CTNNA2: variants seen among roughly 807,000 people sequenced by gnomAD.
CTNNA2 encodes the protein catenin alpha-2.
CTNNA2 carries 42 observed loss-of-function variants against 101.0 expected under a neutral mutation model. The observed-to-expected ratio is 0.42, with a 90% CI of 0.32 to 0.54. The LOEUF (loss-of-function observed/expected upper bound fraction) is 0.54. Among genes scored for constraint, CTNNA2 ranks in the 20% least tolerant of loss-of-function variants. CTNNA2 has a pLI of 0.14. For synonymous variants in CTNNA2, 450 were observed against 456.4 expected (o/e 0.99, Z 0.18); for missense variants, 871 against 1,223.1 (o/e 0.71, Z 4.29).
intron 3 of CTNNA2, among the ~76,000 whole-genome samples, chr2:79,347,782 G>A (rs1309499359): frequency 8.2e-6 from 1 of 121,446 alleles, no homozygotes; most frequent in Non-Finnish European, 1.6e-5. Context: ...ACGTCTCCTA[G>A]CCTTCCTTTT....
intron 7 of CTNNA2, among the ~76,000 whole-genome samples, chr2:80,168,539 C>G (rs959180597): frequency 6.6e-5 from 10 of 152,104 alleles, no homozygotes; most frequent in Non-Finnish European, 1.3e-4. Flanking sequence ...TCCTACTATT[C>G]TCACTCTCAC....
chr2:79,419,939 C>A (rs1470882953), intron 4 of CTNNA2, among the ~76,000 whole-genome samples: 1 of 152,112 alleles, frequency 6.6e-6, no homozygotes, highest in African/African-American at 2.4e-5. Context: ...TCTGGGCTTT[C>A]TTATCTCCAG....
chr2:80,192,835 G>T (rs1281929624), intron 7 of CTNNA2, among the ~76,000 whole-genome samples: 1 of 152,194 alleles, frequency 6.6e-6, no homozygotes, highest in Non-Finnish European at 1.5e-5. Flanking sequence ...ACTTTTCAAA[G>T]AATCCAACTC....
rs565136886 is a variant in CTNNA2 at position 80,332,453 on chromosome 2, G to T, written c.1057-60758G>T. 2.0e-4 allele frequency among the ~76,000 whole-genome samples: 31 copies of T among 152,248 alleles called. No homozygotes were observed. The South Asian group carries it at 6.4e-3, about 32-fold the overall frequency. Reference sequence around the variant, plus strand: ...TGCGGCTGTCCATGATTGTGAAAAGGCAAGTGATAAACAAAAACTGGAGAA... The same window carrying T: ...TGCGGCTGTCCATGATTGTGAAAAGTCAAGTGATAAACAAAAACTGGAGAA... On this transcript the variant is annotated intron_variant, in intron 7 of 18. Transcript: ENST00000402739.
intron 7 of CTNNA2, among the ~76,000 whole-genome samples, chr2:80,105,157 T>C (rs1001273706): frequency 6.6e-6 from 1 of 152,212 alleles, no homozygotes; most frequent in African/African-American, 2.4e-5. Flanking sequence ...TGTGGAATTC[T>C]TTTCAGTAAA....
intron 6 of CTNNA2, among the ~76,000 whole-genome samples, chr2:79,894,474 C>T (rs180877402): frequency 1.4e-3 from 211 of 152,222 alleles, no homozygotes; most frequent in African/African-American, 4.9e-3. Context: ...AAATCGTTTC[C>T]GTAGGTCCCT....
At position 79,666,271 on chromosome 2, in the gene CTNNA2, C is replaced by T. The variant is rs149082693; in HGVS notation, c.102+14613C>T. On this transcript the variant is annotated intron_variant, in intron 2 of 18. Transcript: ENST00000402739. ...AAAATCATTAAACATTATAGAAAAT[C>T]AATGTTTTAATTGTAGAAAATGATT... 3.5e-3 allele frequency among the ~76,000 whole-genome samples: 535 copies of T among 152,112 alleles called. 12 individuals are homozygous for T. In the East Asian group the frequency reaches 0.048, roughly 14 times the overall value.
At position 79,471,230 on chromosome 2, in the gene CTNNA2, G is replaced by A. The variant is rs939341826; in HGVS notation, c.-134-33824G>A. Among the ~76,000 whole-genome samples the A allele has an allele frequency of 7.9e-5, 12 of 152,108 alleles. 1 individual carries two copies. Among genetic ancestry groups the A allele is most frequent in the Admixed American group, 7.9e-4 (12 of 15,266 alleles). ...GGCTGCCATGTGATTATTAGCTGTTGGAATTTGAATTGCTGCCATTATATG... is the reference window on the plus strand; with the variant it reads ...GGCTGCCATGTGATTATTAGCTGTTAGAATTTGAATTGCTGCCATTATATG... On this transcript the variant is annotated intron_variant, in intron 4 of 21. Coordinates refer to the CTNNA2 transcript ENST00000466387.
chr2:80,533,885 A>T (rs1406235613), intron 9 of CTNNA2, among the ~76,000 whole-genome samples: 2 of 152,186 alleles, frequency 1.3e-5, no homozygotes, highest in African/African-American at 4.8e-5. Context: ...AGCCTCTCCT[A>T]TCCTTTTCAC....
rs183821621 is a variant in CTNNA2, at chr2:79,247,238, A to G, written c.-406+49162A>G. Among the ~76,000 whole-genome samples the G allele has an allele frequency of 1.4e-4, 22 of 152,332 alleles. No homozygotes were observed. The East Asian group carries it at 4.1e-3, about 28-fold the overall frequency. ...TATCGCTAGTTTCTCCCCCAGCCCA[A>G]CATGCATTGTGGAATTCTTTTCCTT... On this transcript the variant is annotated intron_variant, in intron 2 of 21. Transcript: ENST00000466387.
chr2:79,472,169 A>G (rs364515), intron 4 of CTNNA2, among the ~76,000 whole-genome samples: 101,214 of 152,102 alleles, frequency 0.67, 34,143 homozygotes, highest in African/African-American at 0.77. Context: ...CTTTTCAAAT[A>G]GAAGATATAG....
chr2:79,439,438 C>T (rs915229646), intron 4 of CTNNA2, among the ~76,000 whole-genome samples: 6 of 152,246 alleles, frequency 3.9e-5, no homozygotes, highest in African/African-American at 1.4e-4. Flanking sequence ...TGTCTGACTG[C>T]TGATGGGTAC....
chr2:79,422,864 A>G (rs1678553520), intron 4 of CTNNA2, among the ~76,000 whole-genome samples: 1 of 152,256 alleles, frequency 6.6e-6, no homozygotes, highest in Non-Finnish European at 1.5e-5. Context: ...GGAAGAAGAC[A>G]CAAGACCAGC....
intron 1 of CTNNA2, among the ~76,000 whole-genome samples, chr2:79,581,118 C>G (rs980615157): frequency 6.6e-6 from 1 of 152,196 alleles, no homozygotes; most frequent in African/African-American, 2.4e-5. Flanking sequence ...AATTAAGTCC[C>G]TTGGTAATCT....
chr2:79,910,151 G>T (rs1685685996), intron 7 of CTNNA2, among the ~76,000 whole-genome samples: 1 of 152,138 alleles, frequency 6.6e-6, no homozygotes, highest in South Asian at 2.1e-4. Context: ...TAAGTCCTCT[G>T]TTACAAAGAG....
chr2:79,812,910 C>G (rs1481091378), intron 3 of CTNNA2, among the ~76,000 whole-genome samples: 1 of 152,194 alleles, frequency 6.6e-6, no homozygotes, highest in East Asian at 1.9e-4. Context: ...GAAAGCTCAG[C>G]CTCCACACCC....
chr2:79,338,578 ATCTTCTTCTTCTTCTTCTTCT>A (rs70940029), intron 3 of CTNNA2, among the ~76,000 whole-genome samples: 7 of 117,808 alleles, frequency 5.9e-5, no homozygotes, highest in African/African-American at 2.3e-4. Flanking sequence ...CCTCCTCATC[ATCTTCTTCTTCTTCTTCTTCT>A]TCTTCTTCTT....
intron 3 of CTNNA2, among the ~76,000 whole-genome samples, chr2:79,340,659 C>T (rs968221255): frequency 4.0e-5 from 6 of 151,896 alleles, no homozygotes; most frequent in Non-Finnish European, 8.8e-5. Context: ...CGGTGAAACC[C>T]TGTCTCTACT....
intron 3 of CTNNA2, among the ~76,000 whole-genome samples, chr2:79,802,879 CAAGCACAAGAAA>C (rs1676275856): frequency 6.6e-6 from 1 of 152,094 alleles, no homozygotes; most frequent in Admixed American, 6.5e-5. Flanking sequence ...TCTTAATGTG[CAAGCACAAGAAA>C]AAGCAGAATT....
Sources: gnomAD v4.1 joint callset for allele counts (sites outside exome capture counted in the v4.1 genomes callset) on GRCh38, gnomAD v4.1.1 for gene constraint, MANE v1.5 for transcripts, NCBI Gene and HGNC (gene_info 2026-07-23, HGNC 2026-07-21) for gene names.